DNAH5: variants seen among roughly 807,000 people sequenced by gnomAD.
DNAH5 encodes the protein dynein axonemal heavy chain 5.
Under a neutral mutation model 518.2 loss-of-function variants are expected in DNAH5, and 372 were observed. The ratio of observed to expected loss-of-function variants is 0.72; its 90% CI spans 0.66 to 0.78. DNAH5 has a LOEUF of 0.78. DNAH5 is among the 30% of genes least tolerant of loss of function. DNAH5 has a pLI of 0.00. For missense variants in DNAH5, 5,523 were observed against 5,687.0 expected, an observed-to-expected ratio of 0.97 and a Z score of 0.93; for synonymous variants, 2,039 against 2,025.9, an observed-to-expected ratio of 1.01 and a Z score of -0.17.
intron 32 of DNAH5, among the ~76,000 whole-genome samples, chr5:13,844,508 T>G (rs1201194361): frequency 6.6e-6 from 1 of 152,248 alleles, no homozygotes; most frequent in Non-Finnish European, 1.5e-5. Context: ...CAATTCCGTT[T>G]AGTTAAGACG....
In DNAH5 at chr5:13,841,780, G is replaced by A. The variant is rs727503903; in HGVS notation, c.5396C>T (p.Ser1799Leu). 1 of 1,613,938 alleles carries A rather than the reference G, an allele frequency of 6.2e-7. No individual in the cohort carries two copies. Among genetic ancestry groups the A allele is most frequent in the Admixed American group, 1.7e-5 (1 of 60,014 alleles). ...LNSLLEESQS[S>L]LHLVIRQAAA... ...TGCCTGGCGAATCACAAGATGCAAT[G>A]AGGACTGAGATTCTTCCAAAAGAGA... The change falls in exon 33 of 79, where the codon TCA (serine) becomes TTA (leucine). Residue 1799 changes from serine (S) to leucine (L), a missense_variant. Coordinates refer to ENST00000265104, the MANE Select transcript of DNAH5 (RefSeq NM_001369.3).
intron 64 of DNAH5, among the ~76,000 whole-genome samples, chr5:13,751,592 C>G (rs918020566): frequency 5.9e-5 from 9 of 152,128 alleles, no homozygotes; most frequent in African/African-American, 2.2e-4. Context: ...ACTGATGATG[C>G]TACACATGCA....
At chr5:13,886,234 G>T in intron 17 of DNAH5, 105 bp from the exon 18 acceptor site, 1 of 1,203,592 alleles carries the variant, frequency 8.3e-7, no homozygotes, top group Non-Finnish European at 1.2e-6. Flanking sequence ...CAGCCTCCAG[G>T]TGAGATTTCA....
intron 68 of DNAH5, among the ~76,000 whole-genome samples, chr5:13,730,591 C>T (rs574037281): frequency 3.3e-5 from 5 of 152,002 alleles, no homozygotes; most frequent in African/African-American, 7.3e-5. Flanking sequence ...CCCGCCACCA[C>T]GCCCATCTAA....
chr5:13,980,248 A>T (rs1782580152), intron 1 of DNAH5, among the ~76,000 whole-genome samples: 1 of 151,956 alleles, frequency 6.6e-6, no homozygotes, highest in Non-Finnish European at 1.5e-5. Flanking sequence ...CAGACCTTTA[A>T]GGTTATGTTG....
intron 9 of DNAH5, 50 bp from the exon 10 acceptor site, chr5:13,914,692 T>G (rs760716661): frequency 6.3e-7 from 1 of 1,584,832 alleles, no homozygotes; most frequent in Non-Finnish European, 8.6e-7. Context: ...AGCCATGGAT[T>G]GTAAACTGGA....
intron 15 of DNAH5, chr5:13,896,739 C>T (rs1413419502): frequency 6.6e-6 from 1 of 152,154 alleles, no homozygotes; most frequent in African/African-American, 2.4e-5. Context: ...TCATCTTTCA[C>T]TGAAAGGTAC....
intron 1 of DNAH5, among the ~76,000 whole-genome samples, chr5:13,967,537 G>C (rs1781605427): frequency 6.6e-6 from 1 of 152,144 alleles, no homozygotes; most frequent in Admixed American, 6.5e-5. Context: ...TGGTCTATGT[G>C]CCTATTTTTA....
chr5:13,778,020 C>A (rs989404144), intron 53 of DNAH5, among the ~76,000 whole-genome samples: 3 of 152,046 alleles, frequency 2.0e-5, no homozygotes. Flanking sequence ...CTACATTATG[C>A]CAAAAGTATA....
intron 3 of DNAH5, among the ~76,000 whole-genome samples, chr5:13,926,358 T>C (rs1416269254): frequency 1.3e-5 from 2 of 152,184 alleles, no homozygotes; most frequent in African/African-American, 2.4e-5. Flanking sequence ...GCTAGTCCAG[T>C]AAAAATTTTC....
chr5:13,781,031 T>A (rs139272820), intron 52 of DNAH5, 72 bp from the exon 53 acceptor site: 1 of 1,497,706 alleles, frequency 6.7e-7, no homozygotes, highest in Non-Finnish European at 9.2e-7. Flanking sequence ...TTATTCAATA[T>A]ATGAATAAGG....
At chr5:13,735,966 G>C (rs369386056) in intron 66 of DNAH5, 34 bp from the exon 67 acceptor site, 1 of 1,521,378 alleles carries the variant, frequency 6.6e-7, no homozygotes, top group Non-Finnish European at 9.1e-7. Flanking sequence ...CATGTGCTAC[G>C]AGAGAGGAAA....
chr5:13,969,742 G>T lies in DNAH5; in HGVS notation c.13-38498C>A, dbSNP rs574083617. Among the ~76,000 whole-genome samples the T allele has an allele frequency of 1.9e-4, 29 of 152,230 alleles. No individual in the cohort carries two copies. In the East Asian group the frequency reaches 5.6e-3, roughly 29 times the overall value. ...GTGGCCTGTCACATGGTCTATCTTG[G>T]AGAATGTTCAATGTGCTGATGAATA... On this transcript the variant is annotated intron_variant, in intron 1 of 78. Transcript: ENST00000681290.
At chr5:13,951,203 T>C (rs1156558058) in intron 1 of DNAH5, among the ~76,000 whole-genome samples, 7 of 136,870 alleles carry the variant, frequency 5.1e-5, no homozygotes, top group African/African-American at 1.8e-4. Context: ...TTTTTTGTTT[T>C]TTTCGTTTTT....
chr5:13,841,944 G>C (rs1197703846), intron 32 of DNAH5, 40 bp from the exon 33 acceptor site: 1 of 1,105,554 alleles, frequency 9.0e-7, no homozygotes, highest in Admixed American at 2.1e-5. Context: ...AAAAGCTATA[G>C]TCATATAAAA....
chr5:13,921,295 A>G (rs1262515755), intron 5 of DNAH5, among the ~76,000 whole-genome samples: 6 of 152,034 alleles, frequency 3.9e-5, no homozygotes, highest in African/African-American at 1.5e-4. Context: ...CAGCAGGATC[A>G]GCATTCCTGG....
Position 13,856,694 on chromosome 5 carries a change from A to T in DNAH5, c.4950+2758T>A, listed in dbSNP as rs753136942. On this transcript the variant is annotated intron_variant, in intron 30 of 78. Transcript: ENST00000265104. ...CAATCAAGTCAGCTTCATCCCTGGG[A>T]TGTAACGCTGGTTCAACATATGCAA... Among the ~76,000 whole-genome samples the T allele has an allele frequency of 9.8e-4, 149 of 152,224 alleles. 1 individual carries two copies. The highest frequency in any genetic ancestry group is 7.9e-4 in the Admixed American group (12 of 15,286).
chr5:13,834,461 T>G (rs1764102888), intron 35 of DNAH5, among the ~76,000 whole-genome samples: 1 of 152,224 alleles, frequency 6.6e-6, no homozygotes, highest in Admixed American at 6.5e-5. Flanking sequence ...TTTTCACCAT[T>G]AAGATGCAAT....
intron 61 of DNAH5, among the ~76,000 whole-genome samples, chr5:13,757,539 T>C (rs1315454337): frequency 6.6e-6 from 1 of 152,104 alleles, no homozygotes; most frequent in Admixed American, 6.5e-5. Flanking sequence ...AAGCAAAAAC[T>C]GACAAATGGG....
Sources: gnomAD v4.1 joint callset for allele counts (sites outside exome capture counted in the v4.1 genomes callset) on GRCh38, gnomAD v4.1.1 for gene constraint, MANE v1.5 for transcripts, NCBI Gene and HGNC (gene_info 2026-07-23, HGNC 2026-07-21) for gene names.